The following CDH1 variants were observed in gnomAD, a reference collection of about 807,000 sequenced individuals.
The protein encoded by CDH1 is cadherin-1.
Under a neutral mutation model 84.5 loss-of-function variants are expected in CDH1, and 35 were observed. The observed-to-expected ratio is 0.41, with a 90% CI of 0.32 to 0.55. The LOEUF is 0.55. Among genes scored for constraint, CDH1 ranks in the 20% least tolerant of loss-of-function variants. The pLI is 0.19. For missense variants in CDH1, 994 were observed against 1,126.6 expected, an observed-to-expected ratio of 0.88 and a Z score of 1.68; for synonymous variants, 417 against 439.0, an observed-to-expected ratio of 0.95 and a Z score of 0.63.
chr16:68,806,214 T>A (rs1314630554), intron 3 of CDH1, among the ~76,000 whole-genome samples: 1 of 151,562 alleles, frequency 6.6e-6, no homozygotes, highest in African/African-American at 2.4e-5. Flanking sequence ...TGCAGTGGCA[T>A]GATCTCAGCT....
chr16:68,758,241 G>T (rs1963074430), intron 2 of CDH1, among the ~76,000 whole-genome samples: 1 of 113,374 alleles, frequency 8.8e-6, no homozygotes, highest in Non-Finnish European at 1.7e-5. Flanking sequence ...TTTTGAGAGA[G>T]AGAGAGAGAG....
In CDH1 at chr16:68,823,602, C is replaced by A; in HGVS notation, c.2140C>A (p.Leu714Ile). Residue 714 changes from leucine (L) to isoleucine (I), a missense_variant, in exon 13 of 16, where the codon CTT becomes ATT. By Grantham distance (5) the Leu-to-Ile change is conservative. Coordinates refer to ENST00000261769, the MANE Select transcript of CDH1 (RefSeq NM_004360.5). Reference sequence around the variant, plus strand: ...GCAAATTCCTGCCATTCTGGGGATTCTTGGAGGAATTCTTGCTTTGCTAAG... The same window carrying A: ...GCAAATTCCTGCCATTCTGGGGATTATTGGAGGAATTCTTGCTTTGCTAAG... The part of the protein sequence containing the change: ...GLQIPAILGI[L>I]GGILALLILI... The A allele has an allele frequency of 6.2e-7, 1 of 1,612,808 alleles. No individual in the cohort carries two copies. Among genetic ancestry groups the A allele is most frequent in the East Asian group, 2.2e-5 (1 of 44,884 alleles).
intron 2 of CDH1, among the ~76,000 whole-genome samples, chr16:68,745,517 G>A (rs1290841305): frequency 3.6e-5 from 2 of 55,506 alleles, no homozygotes; most frequent in African/African-American, 1.0e-4. Context: ...CACTCCAGCT[G>A]ATAGAGATCC....
At chr16:68,794,010 C>CTGT (rs375293887) in intron 2 of CDH1, among the ~76,000 whole-genome samples, 2 of 150,654 alleles carry the variant, frequency 1.3e-5, no homozygotes, top group Non-Finnish European at 2.9e-5. Context: ...AGGACATAGA[C>CTGT]TGTTGTTGTT....
chr16:68,787,593 C>A (rs1438583572), intron 2 of CDH1, among the ~76,000 whole-genome samples: 1 of 151,786 alleles, frequency 6.6e-6, no homozygotes, highest in African/African-American at 2.4e-5. Context: ...ATCCTCCCAC[C>A]TCAGCCTCCC....
At chr16:68,757,518 T>C (rs1191272955) in intron 2 of CDH1, among the ~76,000 whole-genome samples, 1 of 152,202 alleles carries the variant, frequency 6.6e-6, no homozygotes, top group African/African-American at 2.4e-5. Flanking sequence ...TGGGAAGCTG[T>C]TGAACCTAGG....
intron 15 of CDH1, among the ~76,000 whole-genome samples, chr16:68,830,559 T>C (rs759894282): frequency 2.0e-5 from 3 of 152,024 alleles, no homozygotes; most frequent in Non-Finnish European, 4.4e-5. Context: ...CTGAAACAGA[T>C]GGGAGTAGAT....
At chr16:68,753,011 C>G (rs531113622) in intron 2 of CDH1, among the ~76,000 whole-genome samples, 2 of 152,076 alleles carry the variant, frequency 1.3e-5, no homozygotes, top group African/African-American at 2.4e-5. Context: ...TGCAGAGGAG[C>G]CTGGAAAGAG....
At chr16:68,777,685 G>A (rs1959772181) in intron 2 of CDH1, among the ~76,000 whole-genome samples, 1 of 151,468 alleles carries the variant, frequency 6.6e-6, no homozygotes, top group African/African-American at 2.4e-5. Context: ...CTTGACTATA[G>A]GCATGCACCA....
rs1060501233 is a variant in CDH1 at position 68,823,584 on chromosome 16, C to A, written c.2122C>A (p.Pro708Thr). ...AQPVEAGLQI[P>T]AILGILGGIL... The stretch of plus-strand genomic sequence containing the variant: ...GCCTGTCGAAGCAGGATTGCAAATT[C>A]CTGCCATTCTGGGGATTCTTGGAGG... The change falls in exon 13 of 16, where the codon CCT becomes ACT. Residue 708 changes from proline to threonine, a missense_variant. Pro to Thr is a conservative substitution (Grantham distance 38). Transcript: ENST00000261769. 6.2e-7 allele frequency: 1 copy of A among 1,613,666 alleles called. No individual in the cohort carries two copies. Among genetic ancestry groups the A allele is most frequent in the Non-Finnish European group, 8.5e-7 (1 of 1,180,016 alleles).
intron 6 of CDH1, among the ~76,000 whole-genome samples, chr16:68,810,993 A>C (rs570921290): frequency 6.6e-6 from 1 of 152,254 alleles, no homozygotes; most frequent in African/African-American, 2.4e-5. Flanking sequence ...GGCATGAGCT[A>C]CTATACCTGG....
intron 2 of CDH1, among the ~76,000 whole-genome samples, chr16:68,742,789 T>A (rs892272606): frequency 1.3e-5 from 2 of 152,166 alleles, no homozygotes; most frequent in African/African-American, 2.4e-5. Flanking sequence ...CTAATACAAT[T>A]AGACTTTTAA....
At chr16:68,804,611 T>C (rs1354799406) in intron 3 of CDH1, among the ~76,000 whole-genome samples, 3 of 152,112 alleles carry the variant, frequency 2.0e-5, no homozygotes, top group Admixed American at 2.0e-4. Flanking sequence ...GTTTTTATTT[T>C]GTTTTTAATC....
intron 2 of CDH1, chr16:68,763,400 T>A (rs1959282649): frequency 6.6e-6 from 1 of 152,154 alleles, no homozygotes; most frequent in Non-Finnish European, 1.5e-5. Flanking sequence ...GGTTTACACC[T>A]CAAATTCCCT....
At chr16:68,827,354 AAC>A (rs1961347771) in intron 13 of CDH1, among the ~76,000 whole-genome samples, 1 of 141,180 alleles carries the variant, frequency 7.1e-6, no homozygotes, top group Admixed American at 6.9e-5. Context: ...ATGGATAGAA[AAC>A]ACATGGAATC....
chr16:68,814,994 G>C (rs1309549207), intron 9 of CDH1, among the ~76,000 whole-genome samples: 6 of 152,024 alleles, frequency 3.9e-5, no homozygotes, highest in African/African-American at 1.4e-4. Flanking sequence ...GGGAGGCCAA[G>C]GCGGGTGGAT....
At chr16:68,823,377 T>G (rs1175143037) in intron 12 of CDH1, 22 bp from the exon 13 acceptor site, 1 of 1,549,244 alleles carries the variant, frequency 6.5e-7, no homozygotes, top group Non-Finnish European at 8.9e-7. Context: ...GTCTCATCAT[T>G]TCTTTTTATT....
intron 13 of CDH1, among the ~76,000 whole-genome samples, chr16:68,825,476 T>C (rs1246711174): frequency 1.3e-5 from 2 of 152,192 alleles, no homozygotes; most frequent in Non-Finnish European, 2.9e-5. Context: ...ATCCTGCTGC[T>C]GCTGCCTCAG....
intron 3 of CDH1, among the ~76,000 whole-genome samples, chr16:68,803,776 T>A (rs1001925800): frequency 6.6e-6 from 1 of 152,168 alleles, no homozygotes; most frequent in Non-Finnish European, 1.5e-5. Flanking sequence ...GTCTGCTGTA[T>A]CATGATTGGG....
Sources: allele counts gnomAD v4.1 joint callset (sites outside exome capture counted in the v4.1 genomes callset), GRCh38; gene constraint gnomAD v4.1.1; transcripts MANE v1.5; gene names NCBI Gene and HGNC (gene_info 2026-07-23, HGNC 2026-07-21).